The following SMURF1 variants were observed in gnomAD, a reference collection of about 807,000 sequenced individuals.
SMURF1 encodes E3 ubiquitin-protein ligase SMURF1.
In SMURF1, 44 loss-of-function variants were observed where a neutral mutation model predicts 98.0. That is an observed-to-expected ratio of 0.45 (90% CI 0.35 to 0.58). The LOEUF (loss-of-function observed/expected upper bound fraction) is 0.58. SMURF1 is among the 20% of genes least tolerant of loss of function. The probability of loss-of-function intolerance (pLI) is 0.00; values close to 1 mark genes in which losing one functional copy is unlikely to be tolerated. For missense variants in SMURF1, 687 were observed against 938.4 expected, an observed-to-expected ratio of 0.73 and a Z score of 3.50; for synonymous variants, 396 against 374.9, an observed-to-expected ratio of 1.06 and a Z score of -0.65.
At chr7:99,142,287 T>C (rs1047574046) in intron 1 of SMURF1, among the ~76,000 whole-genome samples, 2 of 151,898 alleles carry the variant, frequency 1.3e-5, no homozygotes, top group African/African-American at 4.8e-5. Flanking sequence ...CCAGTGAGTG[T>C]GGGAGTAGGG....
chr7:99,143,604 G>A (rs1428250377), intron 1 of SMURF1, 122 bp downstream of exon 1: 3 of 772,284 alleles, frequency 3.9e-6, no homozygotes, highest in Non-Finnish European at 5.8e-6. Flanking sequence ...CGCCGAAGGG[G>A]GTGACGAGGT....
At chr7:99,141,636 G>A (rs1372864278) in intron 1 of SMURF1, among the ~76,000 whole-genome samples, 1 of 152,168 alleles carries the variant, frequency 6.6e-6, no homozygotes, top group Non-Finnish European at 1.5e-5. Flanking sequence ...GTCTGGGTTT[G>A]GGTCCAAATC....
rs1450581573 is a variant in SMURF1 at position 99,029,617 on chromosome 7, A to ACCAAG, written c.*962_*966dup. On this transcript the variant is annotated 3_prime_UTR_variant, in exon 18 of 18. Coordinates refer to ENST00000361368, the MANE Select transcript of SMURF1 (RefSeq NM_181349.3). ...CACCATTGCTTTTAAGCGAGTTCAC[A>ACCAAG]CCAAGCCAGCAGCTATGATGACACA... 4 of 152,204 alleles carry ACCAAG rather than the reference A, an allele frequency of 2.6e-5. No individual in the cohort carries two copies. Among genetic ancestry groups the ACCAAG allele is most frequent in the African/African-American group, 9.7e-5 (4 of 41,446 alleles). 9.4% of individuals were successfully genotyped at this position (152,204 alleles called of 1,614,324 possible).
chr7:99,043,787 G>C (rs759973199), intron 11 of SMURF1, among the ~76,000 whole-genome samples: 42 of 152,278 alleles, frequency 2.8e-4, no homozygotes, highest in Admixed American at 5.2e-4. Flanking sequence ...GGAAGATGCA[G>C]ATGAGAAAGA....
At position 99,040,469 on chromosome 7, in the gene SMURF1, G is replaced by A. The variant is rs1167778045; in HGVS notation, c.1459C>T (p.Pro487Ser). 6 of 1,590,896 alleles carry A rather than the reference G, an allele frequency of 3.8e-6. No individual in the cohort carries two copies. Among genetic ancestry groups the A allele is most frequent in the Non-Finnish European group, 5.1e-6 (6 of 1,168,528 alleles). Residue 487 changes from proline (P) to serine (S), a missense_variant, in exon 13 of 18, where the codon CCC becomes TCC. Physicochemically the swap from Pro to Ser is moderately conservative, Grantham distance 74. This residue lies in a region of SMURF1 where 272 missense variants were observed against 430.0 expected (regional missense o/e 0.63). Transcript: ENST00000361368. Reference sequence around the variant, plus strand: ...TTCCCCAGCAGCTGCTTGTAGAAGGGCACTGTGAAGCCCCCGTTGATGTAG... The same window carrying A: ...TTCCCCAGCAGCTGCTTGTAGAAGGACACTGTGAAGCCCCCGTTGATGTAG... Reference protein sequence around the residue: ...GHYINGGFTVPFYKQLLGKPI... With the variant: ...GHYINGGFTVSFYKQLLGKPI...
At position 99,047,680 on chromosome 7, in the gene SMURF1, C is replaced by G; in HGVS notation, c.1152+4G>C. 1 of 1,614,206 alleles carries G rather than the reference C, an allele frequency of 6.2e-7. No homozygotes were observed. Among genetic ancestry groups the G allele is most frequent in the Non-Finnish European group, 8.5e-7 (1 of 1,180,028 alleles). ...GGTCTGGGCAGTGGCCCTGAACTCT[C>G]TACCTCAAAGATTTCTTCTCTGGAC... On this transcript the variant is annotated splice_donor_region_variant and intron_variant, in intron 10 of 17. Transcript: ENST00000361368.
chr7:99,079,315 G>A (rs773739617), intron 1 of SMURF1, among the ~76,000 whole-genome samples: 8 of 152,222 alleles, frequency 5.3e-5, no homozygotes, highest in Non-Finnish European at 8.8e-5. Flanking sequence ...CATGTTCTGC[G>A]CAGGCTGGCA....
intron 17 of SMURF1, 90 bp from the exon 18 acceptor site, chr7:99,030,773 G>A (rs1057003142): frequency 3.3e-5 from 31 of 944,054 alleles, no homozygotes; most frequent in Non-Finnish European, 4.3e-5. Flanking sequence ...AAGTATATGT[G>A]GGAGGGGAGA....
At chr7:99,080,335 T>C (rs778923666) in intron 1 of SMURF1, among the ~76,000 whole-genome samples, 71 of 152,226 alleles carry the variant, frequency 4.7e-4, no homozygotes, top group African/African-American at 9.6e-5. Flanking sequence ...GTTTCGCTCT[T>C]GTTGCGGAGG....
intron 16 of SMURF1, chr7:99,035,271 G>C (rs555977044): frequency 7.2e-6 from 4 of 554,326 alleles, no homozygotes; most frequent in South Asian, 2.1e-5. Context: ...AAGCAGTGAG[G>C]AGGGGGAATC....
Position 99,060,587 on chromosome 7 carries a change from C to T in SMURF1, c.203+12G>A. 1 of 1,602,904 alleles carries T rather than the reference C, an allele frequency of 6.2e-7. No homozygotes were observed. The highest frequency in any genetic ancestry group is 8.5e-7 in the Non-Finnish European group (1 of 1,171,460). On this transcript the variant is annotated intron_variant, in intron 3 of 17. Transcript: ENST00000361368. ...GCCGCTCCGCATGGGGCTTACAGAA[C>T]ATTCAACTCACAGATCATAGTGCTG...
At chr7:99,140,287 T>G (rs948400794) in intron 1 of SMURF1, among the ~76,000 whole-genome samples, 4 of 140,814 alleles carry the variant, frequency 2.8e-5, no homozygotes, top group African/African-American at 1.1e-4. Context: ...TATCCTTTTT[T>G]TTTTTTTTTT....
At chr7:99,098,329 C>T (rs1796999137) in intron 1 of SMURF1, among the ~76,000 whole-genome samples, 1 of 151,820 alleles carries the variant, frequency 6.6e-6, no homozygotes, top group African/African-American at 2.4e-5. Flanking sequence ...ATGGGCATTA[C>T]AAAAGGTAAC....
intron 1 of SMURF1, among the ~76,000 whole-genome samples, chr7:99,100,913 A>G (rs1797063445): frequency 6.6e-6 from 1 of 152,226 alleles, no homozygotes; most frequent in Admixed American, 6.5e-5. Context: ...AAGCCGAGAA[A>G]GAGTGTTTCA....
chr7:99,143,697 G>GGC (rs1312783846), intron 1 of SMURF1, 29 bp downstream of exon 1: 27 of 1,541,408 alleles, frequency 1.8e-5, no homozygotes, highest in Admixed American at 3.9e-5. Context: ...GGGGCGCCGG[G>GGC]GCGCGGGTGG....
chr7:99,057,316 G>A (rs780485408), intron 4 of SMURF1, 46 bp from the exon 5 acceptor site: 1 of 1,613,816 alleles, frequency 6.2e-7, no homozygotes, highest in Non-Finnish European at 8.5e-7. Flanking sequence ...CGTGAACTAG[G>A]GAGGAAGGCA....
intron 17 of SMURF1, chr7:99,032,830 A>C: frequency 1.4e-6 from 1 of 737,436 alleles, no homozygotes; most frequent in African/African-American, 1.8e-5. Context: ...TGTCGGGGGG[A>C]AAGTCTCTTG....
chr7:99,074,610 G>C (rs547915587), intron 1 of SMURF1, among the ~76,000 whole-genome samples: 4 of 151,944 alleles, frequency 2.6e-5, no homozygotes, highest in Non-Finnish European at 4.4e-5. Context: ...GATACCATTA[G>C]GAAAATGAAA....
chr7:99,049,333 T>G, intron 9 of SMURF1: 1 of 501,440 alleles, frequency 2.0e-6, no homozygotes. Flanking sequence ...CGGTAAATTT[T>G]ATGTAGGCTG....
Sources: gnomAD v4.1 joint callset for allele counts (sites outside exome capture counted in the v4.1 genomes callset) on GRCh38, gnomAD v4.1.1 for gene constraint, gnomAD v4.1.1 regional missense constraint, MANE v1.5 for transcripts, NCBI Gene and HGNC (gene_info 2026-07-23, HGNC 2026-07-21) for gene names.